Variants in APP observed in about 807,000 individuals in gnomAD.
The protein encoded by APP is amyloid-beta precursor protein.
APP carries 31 observed loss-of-function variants against 101.4 expected under a neutral mutation model. The observed-to-expected ratio is 0.31, with a 90% confidence interval of 0.23 to 0.41. APP has a LOEUF of 0.41. APP is among the 10% of genes least tolerant of loss of function. The pLI is 1.00. For missense variants in APP, 839 were observed against 1,003.7 expected, an observed-to-expected ratio of 0.84 and a Z score of 2.22; for synonymous variants, 366 against 364.4, an observed-to-expected ratio of 1.00 and a Z score of -0.05.
chr21:26,147,416 G>A (rs1223434187), intron 1 of APP, among the ~76,000 whole-genome samples: 1 of 152,140 alleles, frequency 6.6e-6, no homozygotes, highest in Non-Finnish European at 1.5e-5. Flanking sequence ...ACCGACTGGT[G>A]TAACATTTGA....
Position 25,881,374 on chromosome 21 carries a change from C to T in APP, c.*296G>A, listed in dbSNP as rs2036973434. On this transcript the variant is annotated 3_prime_UTR_variant, in exon 18 of 18. Transcript: ENST00000346798. Reference sequence around the variant, plus strand: ...GCTAAGGGGCTATGTGATAAATAATCAGGAGAGAATCTATTCATGCACTAG... The same window carrying T: ...GCTAAGGGGCTATGTGATAAATAATTAGGAGAGAATCTATTCATGCACTAG... 2 of 453,040 alleles carry T rather than the reference C, an allele frequency of 4.4e-6. No homozygotes were observed. The highest frequency in any genetic ancestry group is 3.4e-5 in the Admixed American group (1 of 28,998). The allele number at this position is 453,040 out of a possible 1,614,324, so 28.1% of individuals were successfully genotyped here. A position where few individuals can be genotyped will look rare whatever the true frequency, so the allele number is the denominator to read the frequency against.
At chr21:26,031,941 G>A (rs2044847751) in intron 5 of APP, among the ~76,000 whole-genome samples, 1 of 152,200 alleles carries the variant, frequency 6.6e-6, no homozygotes, top group Admixed American at 6.5e-5. Context: ...AATATGCCAG[G>A]TATCTGTCCA....
intron 1 of APP, among the ~76,000 whole-genome samples, chr21:26,166,927 G>GGTGTGTGTGT (rs10600074): frequency 6.7e-5 from 10 of 148,534 alleles, no homozygotes; most frequent in African/African-American, 2.0e-4. Context: ...AGAGACAGAG[G>GGTGTGTGTGT]GTGTGTGTGT....
intron 5 of APP, among the ~76,000 whole-genome samples, chr21:26,041,235 C>A (rs2045360687): frequency 6.6e-6 from 1 of 152,108 alleles, no homozygotes; most frequent in African/African-American, 2.4e-5. Context: ...ATTTTGAGGC[C>A]ACAGTAAAAT....
At chr21:25,893,744 G>A (rs561093079) in intron 16 of APP, among the ~76,000 whole-genome samples, 5 of 152,324 alleles carry the variant, frequency 3.3e-5, no homozygotes, top group African/African-American at 9.6e-5. Flanking sequence ...AGTGCAAGGT[G>A]AAGCAGCAAG....
chr21:26,086,172 AT>A (rs2071404895), intron 3 of APP, among the ~76,000 whole-genome samples: 1 of 152,208 alleles, frequency 6.6e-6, no homozygotes, highest in Non-Finnish European at 1.5e-5. Flanking sequence ...AGTAACAGTA[AT>A]GATGTGCTTG....
chr21:26,076,938 C>T (rs2061507851), intron 3 of APP, among the ~76,000 whole-genome samples: 1 of 151,968 alleles, frequency 6.6e-6, no homozygotes, highest in African/African-American at 2.4e-5. Context: ...TTGTGGGCGC[C>T]TGTAGTCCCA....
At chr21:26,125,312 G>T (rs2062659018) in intron 1 of APP, among the ~76,000 whole-genome samples, 1 of 152,158 alleles carries the variant, frequency 6.6e-6, no homozygotes, top group Admixed American at 6.5e-5. Flanking sequence ...AACATTAAAA[G>T]CTATATTTTA....
intron 13 of APP, among the ~76,000 whole-genome samples, chr21:25,948,423 A>G (rs1227765356): frequency 6.6e-6 from 1 of 152,212 alleles, no homozygotes; most frequent in African/African-American, 2.4e-5. Context: ...GTAAAATTGT[A>G]ATAAAAAATA....
intron 11 of APP, among the ~76,000 whole-genome samples, chr21:25,971,253 G>A (rs376992394): frequency 2.0e-5 from 3 of 151,878 alleles, no homozygotes; most frequent in Admixed American, 6.6e-5. Flanking sequence ...TCACCATGTT[G>A]GCCAGGATGG....
At chr21:25,933,505 A>AG (rs2040234951) in intron 13 of APP, among the ~76,000 whole-genome samples, 1 of 152,234 alleles carries the variant, frequency 6.6e-6, no homozygotes, top group African/African-American at 2.4e-5. Context: ...ATTAAATACT[A>AG]GGTCTTGCTT....
At chr21:25,977,083 A>G (rs2042251494) in intron 9 of APP, among the ~76,000 whole-genome samples, 1 of 152,348 alleles carries the variant, frequency 6.6e-6, no homozygotes, top group South Asian at 2.1e-4. Context: ...ATAGCAACAC[A>G]AACTGACTAA....
At chr21:26,135,018 T>C (rs1313034850) in intron 1 of APP, among the ~76,000 whole-genome samples, 2 of 152,204 alleles carry the variant, frequency 1.3e-5, no homozygotes, top group Non-Finnish European at 2.9e-5. Flanking sequence ...CATCCAACAT[T>C]TTAACATTTC....
At chr21:25,902,448 G>A (rs1329539549) in intron 15 of APP, among the ~76,000 whole-genome samples, 3 of 146,242 alleles carry the variant, frequency 2.1e-5, no homozygotes, top group Non-Finnish European at 4.4e-5. Context: ...TACATGTGCA[G>A]TAAATACTGC....
chr21:26,038,910 T>C (rs1254121318), intron 5 of APP, among the ~76,000 whole-genome samples: 4 of 152,212 alleles, frequency 2.6e-5, no homozygotes, highest in African/African-American at 7.2e-5. Flanking sequence ...GTGATACAGA[T>C]TATTGCAATT....
At chr21:26,007,868 A>G (rs1322749021) in intron 6 of APP, among the ~76,000 whole-genome samples, 2 of 152,218 alleles carry the variant, frequency 1.3e-5, no homozygotes, top group African/African-American at 4.8e-5. Flanking sequence ...AATTACTCTA[A>G]TAAGGCAATA....
intron 1 of APP, among the ~76,000 whole-genome samples, chr21:26,151,041 G>A (rs1302271653): frequency 2.0e-5 from 3 of 152,082 alleles, no homozygotes; most frequent in South Asian, 2.1e-4. Flanking sequence ...TGGACTCCAC[G>A]ACCTTACACT....
intron 2 of APP, among the ~76,000 whole-genome samples, chr21:26,096,922 G>A (rs7278512): frequency 0.02 from 3,110 of 152,336 alleles, 100 homozygotes; most frequent in African/African-American, 0.07. Context: ...AAGGGAAGAT[G>A]AGAAACAGAC....
intron 2 of APP, among the ~76,000 whole-genome samples, chr21:26,106,131 G>A (rs751448894): frequency 3.9e-5 from 6 of 152,192 alleles, no homozygotes; most frequent in Admixed American, 6.5e-5. Context: ...ACCAGAGGTC[G>A]TGGCTACCAA....
Sources: allele counts gnomAD v4.1 joint callset (sites outside exome capture counted in the v4.1 genomes callset), GRCh38; gene constraint gnomAD v4.1.1; transcripts MANE v1.5; gene names NCBI Gene and HGNC (gene_info 2026-07-23, HGNC 2026-07-21).